The following IL19 variants were observed in gnomAD, a reference collection of about 807,000 sequenced individuals.
The protein encoded by IL19 is interleukin 19.
Under a neutral mutation model 19.5 loss-of-function variants are expected in IL19, and 15 were observed. The observed-to-expected ratio is 0.77, with a 90% CI of 0.52 to 1.19. The LOEUF (loss-of-function observed/expected upper bound fraction) is 1.19. IL19 is among the 50% of genes most tolerant of loss of function. IL19 has a pLI of 0.00. For synonymous variants in IL19, 78 were observed against 78.3 expected, an observed-to-expected ratio of 1.00 and a Z score of 0.02; for missense variants, 199 against 213.1, an observed-to-expected ratio of 0.93 and a Z score of 0.41.
chr1:206,798,658 G>A (rs1321198626), intron 1 of IL19, among the ~76,000 whole-genome samples: 8 of 151,112 alleles, frequency 5.3e-5, no homozygotes, highest in East Asian at 3.9e-4. Flanking sequence ...GTCCCACAGC[G>A]CACCGAGAAA....
At chr1:206,793,821 A>G (rs1362989379) in intron 1 of IL19, among the ~76,000 whole-genome samples, 1 of 152,202 alleles carries the variant, frequency 6.6e-6, no homozygotes, top group South Asian at 2.1e-4. Flanking sequence ...GGCTTCCTTA[A>G]CTGTTGGTAG....
chr1:206,836,538 G>T (rs538249546), intron 2 of IL19, 123 bp from the exon 3 acceptor site: 2 of 863,312 alleles, frequency 2.3e-6, no homozygotes, highest in Non-Finnish European at 3.6e-6. Context: ...GAAGTGTTTA[G>T]TGTTGTTTTC....
chr1:206,826,596 C>T (rs1676439600), intron 2 of IL19, among the ~76,000 whole-genome samples: 1 of 152,230 alleles, frequency 6.6e-6, no homozygotes, highest in Non-Finnish European at 1.5e-5. Context: ...ACCCTCTCCT[C>T]CTCCCAGGGC....
At chr1:206,800,563 G>A (rs867720306) in intron 2 of IL19, among the ~76,000 whole-genome samples, 1 of 152,192 alleles carries the variant, frequency 6.6e-6, no homozygotes, top group African/African-American at 2.4e-5. Context: ...GTGAATAGGA[G>A]TTTGCCAGGG....
intron 2 of IL19, among the ~76,000 whole-genome samples, chr1:206,820,115 T>C (rs1676257834): frequency 6.6e-6 from 1 of 152,236 alleles, no homozygotes; most frequent in Non-Finnish European, 1.5e-5. Flanking sequence ...CAAAATATTT[T>C]AGGATCCTCA....
chr1:206,794,989 G>A (rs1380419343), intron 1 of IL19, among the ~76,000 whole-genome samples: 3 of 152,190 alleles, frequency 2.0e-5, no homozygotes, highest in African/African-American at 7.2e-5. Flanking sequence ...CTTTGTGCCT[G>A]GCAGATCACC....
chr1:206,810,905 C>A (rs1486761146), intron 2 of IL19, among the ~76,000 whole-genome samples: 2 of 152,170 alleles, frequency 1.3e-5, no homozygotes, highest in East Asian at 3.9e-4. Context: ...AAGAGCATGG[C>A]ATCTCTCTTG....
intron 1 of IL19, among the ~76,000 whole-genome samples, chr1:206,777,619 T>A (rs1572543374): frequency 6.6e-6 from 1 of 152,128 alleles, no homozygotes; most frequent in East Asian, 1.9e-4. Flanking sequence ...TTTAGACAGC[T>A]TGTTGGGCAA....
chr1:206,824,926 CT>C (rs1174383342), intron 2 of IL19, among the ~76,000 whole-genome samples: 1 of 152,068 alleles, frequency 6.6e-6, no homozygotes, highest in Non-Finnish European at 1.5e-5. Flanking sequence ...TGCTAATTTT[CT>C]GTATTTTTAG....
rs1674807484 is a variant in IL19, at chr1:206,770,841, C to T, written c.-386C>T. 1.1e-5 allele frequency: 17 copies of T among 1,483,102 alleles called. No individual in the cohort carries two copies. In the South Asian group the frequency reaches 1.4e-4, roughly 12 times the overall value. The allele number at this position is 1,483,102 out of a possible 1,614,324, so 91.9% of individuals were successfully genotyped here. A position where few individuals can be genotyped will look rare whatever the true frequency, so the allele number is the denominator to read the frequency against. On this transcript the variant is annotated 5_prime_UTR_variant, in exon 1 of 7. Coordinates refer to ENST00000659997, the MANE Select transcript of IL19 (RefSeq NM_153758.5). ...GCTGTGTCTGTGGATGTGAGTGTCC[C>T]TGCTGGTCTGTAGGAGATGGTATTT...
intron 2 of IL19, among the ~76,000 whole-genome samples, chr1:206,814,690 TCA>T (rs34474731): frequency 0.034 from 4,773 of 140,372 alleles, 87 homozygotes; most frequent in Admixed American, 0.053. Context: ...TGAAACTCTG[TCA>T]CACACACACA....
chr1:206,797,663 C>T (rs1232333001), intron 1 of IL19, among the ~76,000 whole-genome samples: 1 of 152,170 alleles, frequency 6.6e-6, no homozygotes, highest in Non-Finnish European at 1.5e-5. Context: ...GCTGCCTCCT[C>T]CAGACCTACT....
intron 2 of IL19, among the ~76,000 whole-genome samples, chr1:206,822,923 C>G (rs889042538): frequency 2.0e-5 from 3 of 151,638 alleles, no homozygotes; most frequent in African/African-American, 7.3e-5. Context: ...TGGATCCTTT[C>G]TTTTTCTTTC....
At chr1:206,797,238 A>C (rs1675546657) in intron 1 of IL19, among the ~76,000 whole-genome samples, 1 of 151,728 alleles carries the variant, frequency 6.6e-6, no homozygotes, top group Non-Finnish European at 1.5e-5. Flanking sequence ...GCCCCATGGG[A>C]TTTTGCCAAG....
chr1:206,808,159 T>C (rs1354282640), intron 2 of IL19, among the ~76,000 whole-genome samples: 2 of 152,114 alleles, frequency 1.3e-5, no homozygotes, highest in East Asian at 1.9e-4. Flanking sequence ...GGCGAAACCC[T>C]GTCTCTACTA....
chr1:206,823,170 T>C lies in IL19; in HGVS notation c.-2-13491T>C, dbSNP rs74802531. Among the ~76,000 whole-genome samples, 1,106 of 152,122 alleles carry C rather than the reference T, an allele frequency of 7.3e-3. 8 individuals are homozygous for C. The highest frequency in any genetic ancestry group is 0.025 in the African/African-American group (1,057 of 41,534). ...GTCTCAAAACCCTGACCTCAAGTGATCCACTAGCCTCGGCATCCCAAAGTG... is the reference window on the plus strand; with the variant it reads ...GTCTCAAAACCCTGACCTCAAGTGACCCACTAGCCTCGGCATCCCAAAGTG... On this transcript the variant is annotated intron_variant, in intron 2 of 6. Coordinates refer to ENST00000659997, the MANE Select transcript of IL19 (RefSeq NM_153758.5).
In IL19 at chr1:206,795,399, G is replaced by A. The variant is rs571593219; in HGVS notation, c.-148-3462G>A. 1.3e-5 allele frequency among the ~76,000 whole-genome samples: 2 copies of A among 152,310 alleles called. 1 individual carries two copies. The highest frequency in any genetic ancestry group is 4.1e-4 in the South Asian group (2 of 4,820). On this transcript the variant is annotated intron_variant, in intron 1 of 6. Coordinates refer to ENST00000659997, the MANE Select transcript of IL19 (RefSeq NM_153758.5). The stretch of plus-strand genomic sequence containing the variant: ...ACTAGTCCTGGATGGTGTTTGGTCA[G>A]GGATGAGGTTTGAGTTTGCTCAGCC...
At chr1:206,806,552 T>A (rs1316112945) in intron 2 of IL19, among the ~76,000 whole-genome samples, 1 of 152,236 alleles carries the variant, frequency 6.6e-6, no homozygotes, top group African/African-American at 2.4e-5. Context: ...CTGAGAATTC[T>A]ATGCCTAGGT....
At chr1:206,785,614 C>G (rs1675252875) in intron 1 of IL19, among the ~76,000 whole-genome samples, 1 of 152,188 alleles carries the variant, frequency 6.6e-6, no homozygotes. Flanking sequence ...GGGGAAAGTG[C>G]AGAGGGACCT....
Sources: allele counts gnomAD v4.1 joint callset (sites outside exome capture counted in the v4.1 genomes callset), GRCh38; gene constraint gnomAD v4.1.1; transcripts MANE v1.5; gene names NCBI Gene and HGNC (gene_info 2026-07-23, HGNC 2026-07-21).